ELP1: variants seen among roughly 807,000 people sequenced by gnomAD.
ELP1 encodes the protein elongator complex protein 1.
Under a neutral mutation model 183.2 loss-of-function variants are expected in ELP1, and 131 were observed. The observed-to-expected ratio is 0.72, with a 90% CI of 0.62 to 0.83. ELP1 has a LOEUF of 0.83. ELP1 is among the 40% of genes least tolerant of loss of function. The pLI, the probability that ELP1 is intolerant of heterozygous loss-of-function variation, is 0.00. For synonymous variants in ELP1, 555 were observed against 569.0 expected, an observed-to-expected ratio of 0.98 and a Z score of 0.35; for missense variants, 1,550 against 1,594.9, an observed-to-expected ratio of 0.97 and a Z score of 0.48.
chr9:108,902,796 G>T (rs777522659), intron 16 of ELP1, 43 bp downstream of exon 16: 4 of 1,446,770 alleles, frequency 2.8e-6, no homozygotes, highest in South Asian at 1.1e-5. Context: ...ATCAGTCCCT[G>T]GGTAACTACT....
rs141957783 is a variant in ELP1 at position 108,906,593 on chromosome 9, A to G, written c.1461-108T>C. ...GCATCTTGTATACAGTCCACTCCTA[A>G]TTATTTGGAGGGACAAAACCTGAGA... On this transcript the variant is annotated intron_variant, in intron 13 of 36. Coordinates refer to ENST00000374647, the MANE Select transcript of ELP1 (RefSeq NM_003640.5). 6 of 866,516 alleles carry G rather than the reference A, an allele frequency of 6.9e-6. 1 individual carries two copies. In the East Asian group the frequency reaches 1.5e-4, roughly 22 times the overall value. 53.7% of individuals were successfully genotyped at this position (866,516 alleles called of 1,614,324 possible). A position where few individuals can be genotyped will look rare whatever the true frequency, so the allele number is the denominator to read the frequency against.
At chr9:108,881,598 T>C (rs1827931390) in intron 31 of ELP1, 107 bp downstream of exon 31, 1 of 751,594 alleles carries the variant, frequency 1.3e-6, no homozygotes, top group Non-Finnish European at 2.4e-6. Context: ...TGATTGAGTC[T>C]ACATGACATA....
Position 108,878,731 on chromosome 9 carries a change from G to A in ELP1, c.3592C>T (p.Arg1198Ter), listed in dbSNP as rs376078668. The A allele has an allele frequency of 3.3e-5, 54 of 1,613,968 alleles. No individual in the cohort carries two copies. Among genetic ancestry groups the A allele is most frequent in the African/African-American group, 5.3e-5 (4 of 74,910 alleles). ...RISARSSKNR[R>*]KAERKKHSLK... The stretch of plus-strand genomic sequence containing the variant: ...CTGTGCTTCTTCCGCTCCGCTTTTC[G>A]GCGATTCTTGGATGATCTCCTGTTA... Residue 1198 changes from arginine to a stop codon, truncating the protein, a stop_gained, in exon 34 of 37, where the codon CGA (arginine) becomes TGA (stop). Transcript: ENST00000374647. LOFTEE classifies it high-confidence loss of function.
chr9:108,889,871 T>C (rs551817743), intron 28 of ELP1, among the ~76,000 whole-genome samples: 1 of 152,328 alleles, frequency 6.6e-6, no homozygotes, highest in Non-Finnish European at 1.5e-5. Context: ...CTCACTCCAG[T>C]GCATATATCA....
chr9:108,930,009 T>C, intron 2 of ELP1, 88 bp from the exon 3 acceptor site: 2 of 1,422,838 alleles, frequency 1.4e-6, no homozygotes, highest in Non-Finnish European at 2.0e-6. Context: ...TTAATGCTTC[T>C]TTTATTACAT....
intron 36 of ELP1, among the ~76,000 whole-genome samples, chr9:108,872,165 C>T (rs372449147): frequency 4.1e-4 from 62 of 152,304 alleles, no homozygotes; most frequent in African/African-American, 1.1e-3. Flanking sequence ...GATCACTTTT[C>T]GCTGCCATAT....
chr9:108,878,183 A>G (rs1018343767), intron 34 of ELP1, 34 bp from the exon 35 acceptor site: 2 of 1,572,116 alleles, frequency 1.3e-6, no homozygotes, highest in Non-Finnish European at 1.8e-6. Flanking sequence ...GTGGTAAGTT[A>G]TATTCCCAGC....
chr9:108,889,305 G>A, intron 29 of ELP1, 27 bp downstream of exon 29: 1 of 1,601,478 alleles, frequency 6.2e-7, no homozygotes, highest in East Asian at 2.2e-5. Flanking sequence ...CTGACTGGGG[G>A]GTTTAGAAGG....
intron 4 of ELP1, among the ~76,000 whole-genome samples, chr9:108,927,140 T>C (rs1377228256): frequency 3.3e-5 from 5 of 152,208 alleles, no homozygotes; most frequent in African/African-American, 1.2e-4. Flanking sequence ...GAAACAACTT[T>C]TTATAATGAT....
chr9:108,902,889 G>A lies in ELP1; in HGVS notation c.1804C>T (p.Arg602Trp), dbSNP rs200397694. The change falls in exon 16 of 37, where the codon CGG becomes TGG. Residue 602 changes from arginine (R) to tryptophan (W), a missense_variant. Transcript: ENST00000374647. ...GTCTGGGTGCATGGATAAGGAAACC[G>A]AACAGGAAATCCACCAGAGTTCTTC... ...PWKNSGGFPV[R>W]FPYPCTQTEL... 8.5e-5 allele frequency: 137 copies of A among 1,613,948 alleles called. No individual in the cohort carries two copies. The East Asian group carries it at 2.0e-3, about 23-fold the overall frequency.
At chr9:108,895,415 G>A (rs1446160108) in intron 25 of ELP1, among the ~76,000 whole-genome samples, 3 of 152,128 alleles carry the variant, frequency 2.0e-5, no homozygotes, top group Non-Finnish European at 4.4e-5. Flanking sequence ...ATTAGCCAGG[G>A]GAATGGTGAG....
At chr9:108,874,345 G>A (rs1827613410) in intron 36 of ELP1, among the ~76,000 whole-genome samples, 1 of 152,156 alleles carries the variant, frequency 6.6e-6, no homozygotes, top group Non-Finnish European at 1.5e-5. Context: ...AGGGATATAA[G>A]TAATCTAATT....
chr9:108,930,690 CAAAAAA>C (rs5899828), intron 2 of ELP1, among the ~76,000 whole-genome samples: 1 of 72,606 alleles, frequency 1.4e-5, no homozygotes, highest in Non-Finnish European at 2.7e-5. Context: ...GACTCCGTCT[CAAAAAA>C]AAAAAAAAAA....
chr9:108,932,631 C>T (rs1830036089), intron 1 of ELP1, among the ~76,000 whole-genome samples: 1 of 152,152 alleles, frequency 6.6e-6, no homozygotes, highest in Non-Finnish European at 1.5e-5. Flanking sequence ...CCTGAGCCAC[C>T]GTGCCTGGCT....
chr9:108,909,934 C>T (rs1048256976), intron 12 of ELP1, among the ~76,000 whole-genome samples: 1 of 151,994 alleles, frequency 6.6e-6, no homozygotes, highest in East Asian at 1.9e-4. Context: ...TGTGAATATA[C>T]ATATATATAC....
chr9:108,877,940 A>T, intron 35 of ELP1, 55 bp downstream of exon 35: 1 of 1,584,994 alleles, frequency 6.3e-7, no homozygotes, highest in Non-Finnish European at 8.7e-7. Flanking sequence ...TTGTGTGAAT[A>T]CAATAACCCA....
At chr9:108,878,434 G>A (rs751193171) in intron 34 of ELP1, among the ~76,000 whole-genome samples, 189 bp downstream of exon 34, 4 of 152,184 alleles carry the variant, frequency 2.6e-5, no homozygotes, top group Non-Finnish European at 5.9e-5. Context: ...ATGGAGGAAG[G>A]CTTCTCAGTT....
intron 27 of ELP1, among the ~76,000 whole-genome samples, chr9:108,892,535 A>C (rs930261619): frequency 4.6e-5 from 7 of 152,222 alleles, no homozygotes; most frequent in African/African-American, 1.7e-4. Flanking sequence ...ATCCTCAGGC[A>C]AGTTGCTTCC....
rs1441724338 is a variant in ELP1 at position 108,897,404 on chromosome 9, G to A, written c.2364-119C>T. ...TAAAAATGACTTTTGGAAAAGAGTT[G>A]AATTATAAAAATATTGAGAAATAAA... is the stretch of plus-strand genomic sequence containing the variant. On this transcript the variant is annotated intron_variant, in intron 22 of 36. Coordinates refer to ENST00000374647, the MANE Select transcript of ELP1 (RefSeq NM_003640.5). 5.8e-6 allele frequency: 6 copies of A among 1,035,596 alleles called. No homozygotes were observed. In the Admixed American group the frequency reaches 9.2e-5, roughly 16 times the overall value. 64.2% of individuals were successfully genotyped at this position (1,035,596 alleles called of 1,614,324 possible). A position where few individuals can be genotyped will look rare whatever the true frequency, so the allele number is the denominator to read the frequency against.
Sources: gnomAD v4.1 joint callset for allele counts (sites outside exome capture counted in the v4.1 genomes callset) on GRCh38, gnomAD v4.1.1 for gene constraint, MANE v1.5 for transcripts, NCBI Gene and HGNC (gene_info 2026-07-23, HGNC 2026-07-21) for gene names.